The following ABCB5 variants were observed in gnomAD, a reference collection of about 807,000 sequenced individuals.
ABCB5 encodes ATP binding cassette subfamily B member 5.
Under a neutral mutation model 144.2 loss-of-function variants are expected in ABCB5, and 155 were observed. That is an observed-to-expected ratio of 1.08 (90% CI 0.94 to 1.23). The LOEUF (loss-of-function observed/expected upper bound fraction) is 1.23, where lower values mean the gene tolerates loss of function less well. ABCB5 is among the 50% of genes most tolerant of loss of function. ABCB5 has a pLI of 0.00. For synonymous variants in ABCB5, 610 were observed against 528.6 expected, an observed-to-expected ratio of 1.15 and a Z score of -2.11; for missense variants, 1,830 against 1,520.8, an observed-to-expected ratio of 1.20 and a Z score of -3.38.
At chr7:20,699,989 G>C in intron 18 of ABCB5, 60 bp downstream of exon 18, 14 of 1,598,306 alleles carry the variant, frequency 8.8e-6, no homozygotes, top group Non-Finnish European at 8.6e-6. Flanking sequence ...CTTTCTATTT[G>C]AGTTAAAAAT....
At chr7:20,631,642 T>C (rs797014949) in intron 4 of ABCB5, among the ~76,000 whole-genome samples, 3 of 152,306 alleles carry the variant, frequency 2.0e-5, no homozygotes, top group African/African-American at 7.2e-5. Flanking sequence ...CCATGGCTAA[T>C]TCTTCTAGAA....
chr7:20,684,689 T>C (rs1467840366), intron 15 of ABCB5, among the ~76,000 whole-genome samples: 2 of 151,942 alleles, frequency 1.3e-5, no homozygotes, highest in African/African-American at 2.4e-5. Context: ...AAAGAGAAAA[T>C]GATAGCAAAA....
intron 14 of ABCB5, chr7:20,667,327 C>G (rs1160978887): frequency 1.0e-6 from 1 of 984,528 alleles, no homozygotes; most frequent in African/African-American, 1.7e-5. Flanking sequence ...ATTAAAACAC[C>G]TGTGAAGTGA....
chr7:20,660,530 T>C (rs1211653181), intron 14 of ABCB5: 5 of 521,154 alleles, frequency 9.6e-6, no homozygotes, highest in Admixed American at 6.4e-5. Context: ...AAGGGGAGAG[T>C]TCAAATACAG....
chr7:20,676,068 T>C (rs966896309), intron 14 of ABCB5, among the ~76,000 whole-genome samples: 2 of 151,776 alleles, frequency 1.3e-5, no homozygotes, highest in Non-Finnish European at 2.9e-5. Flanking sequence ...ATATGACTGA[T>C]GGAAAGTAAA....
At position 20,633,002 on chromosome 7, in the gene ABCB5, A is replaced by T. The variant is rs914497295; in HGVS notation, c.314+889A>T. 3.1e-3 allele frequency among the ~76,000 whole-genome samples: 463 copies of T among 151,770 alleles called. 11 individuals carry two copies. Among genetic ancestry groups the T allele is most frequent in the Admixed American group, 0.028 (426 of 15,246 alleles). On this transcript the variant is annotated intron_variant, in intron 5 of 27. Transcript: ENST00000404938. ...ATTGTGCACATGTACCCTAAAACTT[A>T]AAGTATAATAATAATAAATAAATAA... is the stretch of plus-strand genomic sequence containing the variant.
At position 20,755,545 on chromosome 7, in the gene ABCB5, A is replaced by G; in HGVS notation, c.3695A>G (p.Lys1232Arg). 6.2e-7 allele frequency: 1 copy of G among 1,614,232 alleles called. No individual in the cohort carries two copies. Among genetic ancestry groups the G allele is most frequent in the South Asian group, 1.1e-5 (1 of 91,082 alleles). The stretch of plus-strand genomic sequence containing the variant: ...GTGGTTCTGCACAATGGAAAGATAA[A>G]GGAACAAGGAACTCATCAAGAGCTC... ...LIVVLHNGKI[K>R]EQGTHQELLR... The change falls in exon 28 of 28, where the codon AAG becomes AGG. Residue 1232 changes from lysine to arginine, a missense_variant. By Grantham distance (26) the Lys-to-Arg change is conservative. Coordinates refer to ENST00000404938, the MANE Select transcript of ABCB5 (RefSeq NM_001163941.2).
chr7:20,661,726 G>A (rs1785010149), intron 14 of ABCB5, among the ~76,000 whole-genome samples: 1 of 151,396 alleles, frequency 6.6e-6, no homozygotes, highest in Admixed American at 6.6e-5. Context: ...GTAGAGACAG[G>A]GTTTCACCAT....
At chr7:20,681,426 C>T in intron 14 of ABCB5, 79 bp from the exon 15 acceptor site, 4 of 1,498,042 alleles carry the variant, frequency 2.7e-6, no homozygotes, top group Non-Finnish European at 3.6e-6. Context: ...CATGCCGGGT[C>T]AACAAAGATT....
intron 1 of ABCB5, among the ~76,000 whole-genome samples, chr7:20,616,131 G>T (rs1391918193): frequency 2.0e-5 from 3 of 152,198 alleles, no homozygotes; most frequent in African/African-American, 7.2e-5. Flanking sequence ...CGCCTCCAGG[G>T]TTCAAGAGAT....
intron 20 of ABCB5, among the ~76,000 whole-genome samples, chr7:20,722,247 A>G (rs1409302243): frequency 6.6e-6 from 1 of 152,160 alleles, no homozygotes; most frequent in Non-Finnish European, 1.5e-5. Flanking sequence ...GAGTTGTTGT[A>G]TTATTGCTGG....
At chr7:20,700,276 AT>A in intron 19 of ABCB5, 141 bp downstream of exon 19, 1 of 697,280 alleles carries the variant, frequency 1.4e-6, no homozygotes, top group East Asian at 2.9e-5. Context: ...CAAAAATCTG[AT>A]GTCAGAAGTC....
At chr7:20,653,999 C>T (rs1170437813) in intron 13 of ABCB5, among the ~76,000 whole-genome samples, 1 of 152,158 alleles carries the variant, frequency 6.6e-6, no homozygotes, top group African/African-American at 2.4e-5. Context: ...TCTACCTGCC[C>T]TAACAAACCC....
intron 23 of ABCB5, among the ~76,000 whole-genome samples, chr7:20,731,865 C>G (rs1175895742): frequency 6.6e-6 from 1 of 152,166 alleles, no homozygotes; most frequent in Non-Finnish European, 1.5e-5. Context: ...CCTGTCTTGA[C>G]TGGACCACTG....
chr7:20,703,547 A>T (rs1194608399), intron 19 of ABCB5, among the ~76,000 whole-genome samples: 1 of 152,108 alleles, frequency 6.6e-6, no homozygotes, highest in African/African-American at 2.4e-5. Flanking sequence ...ACAGCCCTCA[A>T]CCTGCTATGC....
intron 20 of ABCB5, among the ~76,000 whole-genome samples, chr7:20,709,334 T>C (rs1363102603): frequency 2.0e-5 from 3 of 150,068 alleles, no homozygotes; most frequent in Non-Finnish European, 4.4e-5. Flanking sequence ...AGACAAGATA[T>C]TTTGTTTTAT....
intron 14 of ABCB5, among the ~76,000 whole-genome samples, chr7:20,681,058 C>CTCTCTT (rs1554284134): frequency 1.1e-4 from 5 of 47,582 alleles, no homozygotes; most frequent in Non-Finnish European, 1.8e-4. Flanking sequence ...CTCTCTCTCT[C>CTCTCTT]TCTTTCTTTC....
intron 23 of ABCB5, among the ~76,000 whole-genome samples, chr7:20,737,810 T>C (rs1247740662): frequency 2.0e-5 from 3 of 152,204 alleles, no homozygotes; most frequent in Non-Finnish European, 2.9e-5. Flanking sequence ...CTGATGTTTA[T>C]AGCTGGGTAT....
chr7:20,656,608 T>G (rs1421438708), intron 13 of ABCB5, among the ~76,000 whole-genome samples: 1 of 152,134 alleles, frequency 6.6e-6, no homozygotes, highest in Non-Finnish European at 1.5e-5. Context: ...GACTAACAAA[T>G]GTAACTTTTG....
Sources: allele counts gnomAD v4.1 joint callset (sites outside exome capture counted in the v4.1 genomes callset), GRCh38; gene constraint gnomAD v4.1.1; transcripts MANE v1.5; gene names NCBI Gene and HGNC (gene_info 2026-07-23, HGNC 2026-07-21).